The following KMO variants were observed in gnomAD, a reference collection of about 807,000 sequenced individuals.
KMO encodes the protein kynurenine 3-monooxygenase, also known as kynurenine 3-hydroxylase.
Under a neutral mutation model 57.8 loss-of-function variants are expected in KMO, and 24 were observed. The ratio of observed to expected loss-of-function variants is 0.42; its 90% CI spans 0.30 to 0.58. KMO has a LOEUF of 0.58. Ranked by LOEUF, KMO falls within the 20% of genes least tolerant of loss-of-function variation. KMO has a pLI of 0.22. For synonymous variants in KMO, 210 were observed against 193.6 expected (o/e 1.08, Z -0.70); for missense variants, 483 against 588.2 (o/e 0.82, Z 1.85).
chr1:241,583,878 A>G (rs1377105575), intron 10 of KMO, among the ~76,000 whole-genome samples: 5 of 152,206 alleles, frequency 3.3e-5, no homozygotes, highest in African/African-American at 1.2e-4. Context: ...GCAATTCAAG[A>G]CTTAATTTTT....
chr1:241,582,229 A>G (rs561621626), intron 10 of KMO, among the ~76,000 whole-genome samples: 1 of 152,046 alleles, frequency 6.6e-6, no homozygotes, highest in Non-Finnish European at 1.5e-5. Flanking sequence ...TTCCATTAAT[A>G]TATGCTTTGA....
chr1:241,586,414 G>A (rs573251958), intron 10 of KMO, among the ~76,000 whole-genome samples: 148 of 151,766 alleles, frequency 9.8e-4, no homozygotes, highest in Non-Finnish European at 1.8e-3. Context: ...TGCCCAGGCT[G>A]ATCTCAAACT....
Position 241,595,438 on chromosome 1 carries a change from C to A in KMO, c.*3285C>A, listed in dbSNP as rs1183980875. ...CCACCCAATACATTATTAGACTGAA[C>A]TGTGACCTGAAATGAGCAATAAACT... On this transcript the variant is annotated 3_prime_UTR_variant, in exon 15 of 15. Transcript: ENST00000366559. 6.6e-6 allele frequency: 1 copy of A among 152,208 alleles called. No homozygotes were observed. The highest frequency in any genetic ancestry group is 1.5e-5 in the Non-Finnish European group (1 of 68,042). 9.4% of individuals were successfully genotyped at this position (152,208 alleles called of 1,614,324 possible). A position where few individuals can be genotyped will look rare whatever the true frequency, so the allele number is the denominator to read the frequency against.
intron 14 of KMO, 124 bp from the exon 15 acceptor site, chr1:241,591,828 TA>T: frequency 1.4e-6 from 1 of 736,392 alleles, no homozygotes. Context: ...GTCATGCAAG[TA>T]AATTGTTGTT....
intron 11 of KMO, among the ~76,000 whole-genome samples, chr1:241,588,090 T>C (rs1022085609): frequency 3.3e-5 from 5 of 152,148 alleles, no homozygotes; most frequent in Non-Finnish European, 7.3e-5. Flanking sequence ...CTTGAGCAAA[T>C]CACTTCATCT....
chr1:241,554,332 T>C (rs1246154127), intron 4 of KMO, among the ~76,000 whole-genome samples: 2 of 151,154 alleles, frequency 1.3e-5, no homozygotes, highest in Non-Finnish European at 2.9e-5. Context: ...TCATCCAGGC[T>C]GAAGTGCAGT....
At chr1:241,557,558 GT>G (rs968034799) in intron 5 of KMO, among the ~76,000 whole-genome samples, 15 of 152,202 alleles carry the variant, frequency 9.9e-5, no homozygotes, top group Non-Finnish European at 2.1e-4. Flanking sequence ...AGAGGGTTTA[GT>G]ATTATTATTA....
At chr1:241,539,303 G>C (rs1425484587) in intron 1 of KMO, among the ~76,000 whole-genome samples, 1 of 150,526 alleles carries the variant, frequency 6.6e-6, no homozygotes, top group Non-Finnish European at 1.5e-5. Flanking sequence ...AGAATTGCTT[G>C]AACCTGGGAG....
rs1380735828 is a variant in KMO, at chr1:241,594,269, T to C, written c.*2116T>C. On this transcript the variant is annotated 3_prime_UTR_variant, in exon 15 of 15. Transcript: ENST00000366559. Reference sequence around the variant, plus strand: ...AAAGAATTTGTTTTTGTTCAACCTCTTCCTGAGGCCCAAGAGCATATGGGC... The same window carrying C: ...AAAGAATTTGTTTTTGTTCAACCTCCTCCTGAGGCCCAAGAGCATATGGGC... The C allele has an allele frequency of 4.0e-6, 3 of 757,540 alleles. No individual in the cohort carries two copies. The highest frequency in any genetic ancestry group is 6.2e-6 in the Non-Finnish European group (3 of 485,710). The allele number at this position is 757,540 out of a possible 1,614,324, so 46.9% of individuals were successfully genotyped here.
Position 241,594,527 on chromosome 1 carries a change from G to A in KMO, c.*2374G>A. The A allele has an allele frequency of 6.2e-7, 1 of 1,614,068 alleles. No homozygotes were observed. The highest frequency in any genetic ancestry group is 8.5e-7 in the Non-Finnish European group (1 of 1,179,986). On this transcript the variant is annotated 3_prime_UTR_variant, in exon 15 of 15. Transcript: ENST00000366559. ...CATCACTGGTGATGATAAAAATGAT[G>A]GAAGAAGAGTTGAAAGTCACTTTTT...
At chr1:241,571,934 T>A (rs1662298165) in intron 10 of KMO, among the ~76,000 whole-genome samples, 1 of 144,722 alleles carries the variant, frequency 6.9e-6, no homozygotes, top group Non-Finnish European at 1.5e-5. Context: ...TGGTGCAATC[T>A]CTGCCGACTG....
At chr1:241,544,439 C>T (rs2050504) in intron 1 of KMO, among the ~76,000 whole-genome samples, 46,419 of 151,976 alleles carry the variant, frequency 0.31, 7,965 homozygotes, top group Non-Finnish European at 0.39. Flanking sequence ...TTAAGGACTA[C>T]GCTTGGAAAT....
chr1:241,554,823 A>G (rs1661550901), intron 4 of KMO, among the ~76,000 whole-genome samples: 2 of 150,918 alleles, frequency 1.3e-5, no homozygotes, highest in Non-Finnish European at 3.0e-5. Flanking sequence ...ATACAAAAAA[A>G]AAAAAAAAAT....
chr1:241,549,833 G>C (rs1661332103), intron 3 of KMO, 59 bp downstream of exon 3: 1 of 1,015,044 alleles, frequency 9.9e-7, no homozygotes, highest in Non-Finnish European at 1.5e-6. Context: ...CAATTGCATG[G>C]TTTGATTTCA....
In KMO at chr1:241,561,968, A is replaced by G. The variant is rs1274897881; in HGVS notation, c.450-199A>G. ...TTATTAATCAATATGGTGTTGTGCT[A>G]TTCTCATAAGCAAACTTATGACTGG... On this transcript the variant is annotated intron_variant, in intron 6 of 14. Coordinates refer to ENST00000366559, the MANE Select transcript of KMO (RefSeq NM_003679.5). 3 of 569,002 alleles carry G rather than the reference A, an allele frequency of 5.3e-6. No homozygotes were observed. In the African/African-American group the frequency reaches 5.6e-5, roughly 11 times the overall value. 35.2% of individuals were successfully genotyped at this position (569,002 alleles called of 1,614,324 possible). A position where few individuals can be genotyped will look rare whatever the true frequency, so the allele number is the denominator to read the frequency against.
At chr1:241,566,415 G>A in intron 8 of KMO, 76 bp from the exon 9 acceptor site, 1 of 1,491,342 alleles carries the variant, frequency 6.7e-7, no homozygotes, top group East Asian at 2.3e-5. Flanking sequence ...AAGAAGTCTT[G>A]TGATTTCAGG....
intron 9 of KMO, among the ~76,000 whole-genome samples, chr1:241,566,819 G>A (rs1662098002): frequency 6.6e-6 from 1 of 152,178 alleles, no homozygotes; most frequent in African/African-American, 2.4e-5. Context: ...AGTTCCTCCG[G>A]GAAAGATGAG....
At chr1:241,565,924 G>T (rs996147012) in intron 8 of KMO, among the ~76,000 whole-genome samples, 25 of 152,128 alleles carry the variant, frequency 1.6e-4, no homozygotes, top group African/African-American at 5.8e-4. Context: ...AAGACTGTAG[G>T]CTGGGCGTGG....
intron 10 of KMO, among the ~76,000 whole-genome samples, chr1:241,579,578 G>C (rs1481963434): frequency 6.6e-6 from 1 of 152,058 alleles, no homozygotes; most frequent in Non-Finnish European, 1.5e-5. Flanking sequence ...GGCAAGGCAG[G>C]TCTTACACCC....
Sources: allele counts gnomAD v4.1 joint callset (sites outside exome capture counted in the v4.1 genomes callset), GRCh38; gene constraint gnomAD v4.1.1; transcripts MANE v1.5; gene names NCBI Gene and HGNC (gene_info 2026-07-23, HGNC 2026-07-21).